The following TNFSF4 variants were observed in gnomAD, a reference collection of about 807,000 sequenced individuals.
TNFSF4 encodes the protein TNF superfamily member 4.
TNFSF4 carries 4 observed loss-of-function variants against 7.3 expected under a neutral mutation model. That is an observed-to-expected ratio of 0.55 (90% confidence interval 0.27 to 1.25). The LOEUF (loss-of-function observed/expected upper bound fraction) is 1.25, where lower values mean the gene tolerates loss of function less well. TNFSF4 is among the 50% of genes most tolerant of loss of function. TNFSF4 has a pLI of 0.12. For synonymous variants in TNFSF4, 76 were observed against 83.7 expected, an observed-to-expected ratio of 0.91 and a Z score of 0.50; for missense variants, 181 against 208.8, an observed-to-expected ratio of 0.87 and a Z score of 0.82.
intron 1 of TNFSF4, among the ~76,000 whole-genome samples, chr1:173,202,045 C>CTATATATA (rs1015553460): frequency 1.4e-5 from 2 of 140,762 alleles, no homozygotes; most frequent in African/African-American, 5.5e-5. Context: ...GAAGTAATTG[C>CTATATATA]TATATATATA....
At chr1:173,311,577 G>C in the TNFSF4 span, among the ~76,000 whole-genome samples, 2 of 152,054 alleles carry the variant, frequency 1.3e-5, no homozygotes, top group African/African-American at 4.8e-5. Context: ...GGTCTCACTG[G>C]TGGAACTGGG....
the TNFSF4 span, among the ~76,000 whole-genome samples, chr1:173,327,360 G>T: frequency 6.6e-6 from 1 of 152,084 alleles, no homozygotes; most frequent in African/African-American, 2.4e-5. Context: ...ATTCAAGATG[G>T]ATTAAAGACT....
the TNFSF4 span, among the ~76,000 whole-genome samples, chr1:173,339,179 G>A: frequency 6.6e-6 from 1 of 152,090 alleles, no homozygotes; most frequent in Non-Finnish European, 1.5e-5. Context: ...AAGAGTTTGA[G>A]ACCAGCGTGG....
chr1:173,299,675 G>A, the TNFSF4 span, among the ~76,000 whole-genome samples: 2 of 151,866 alleles, frequency 1.3e-5, no homozygotes, highest in African/African-American at 4.8e-5. Context: ...GGCTTTATAT[G>A]GCTTTATATG....
chr1:173,249,845 C>T, the TNFSF4 span, among the ~76,000 whole-genome samples: 3 of 152,150 alleles, frequency 2.0e-5, no homozygotes, highest in African/African-American at 2.4e-5. Flanking sequence ...ATCATTAACA[C>T]GAACCATAGT....
chr1:173,247,485 G>A, the TNFSF4 span, among the ~76,000 whole-genome samples: 4 of 152,218 alleles, frequency 2.6e-5, no homozygotes, highest in Admixed American at 2.6e-4. Context: ...ATTCTCAACT[G>A]AGGGCATTGA....
At chr1:173,377,531 C>T in the TNFSF4 span, among the ~76,000 whole-genome samples, 4 of 152,220 alleles carry the variant, frequency 2.6e-5, no homozygotes, top group African/African-American at 9.7e-5. Flanking sequence ...CCCATCTATC[C>T]TATCGATCCT....
chr1:173,427,211 G>A, the TNFSF4 span, among the ~76,000 whole-genome samples: 1 of 152,172 alleles, frequency 6.6e-6, no homozygotes, highest in Non-Finnish European at 1.5e-5. Flanking sequence ...AAAGGCTGTG[G>A]ACAGATAACC....
the TNFSF4 span, among the ~76,000 whole-genome samples, chr1:173,387,460 C>T: frequency 6.6e-6 from 1 of 152,142 alleles, no homozygotes; most frequent in Non-Finnish European, 1.5e-5. Context: ...AACTTCCCAA[C>T]CTCCAGAACC....
chr1:173,435,268 G>A, the TNFSF4 span, among the ~76,000 whole-genome samples: 1 of 152,146 alleles, frequency 6.6e-6, no homozygotes, highest in Non-Finnish European at 1.5e-5. Flanking sequence ...AAGAACAAAA[G>A]GAGCAAATAA....
chr1:173,282,752 G>A, the TNFSF4 span, among the ~76,000 whole-genome samples: 1 of 152,034 alleles, frequency 6.6e-6, no homozygotes, highest in Non-Finnish European at 1.5e-5. Flanking sequence ...CTACCACACT[G>A]GGCCTAAATT....
At chr1:173,320,104 T>G in the TNFSF4 span, among the ~76,000 whole-genome samples, 1 of 152,012 alleles carries the variant, frequency 6.6e-6, no homozygotes, top group African/African-American at 2.4e-5. Context: ...GCAAACTGAA[T>G]CCAGCAGTAC....
the TNFSF4 span, among the ~76,000 whole-genome samples, chr1:173,419,960 A>G: frequency 1.3e-5 from 2 of 152,142 alleles, no homozygotes; most frequent in South Asian, 4.1e-4. Context: ...CCTGTCCTCT[A>G]TCAGCATCAA....
the TNFSF4 span, among the ~76,000 whole-genome samples, chr1:173,377,380 T>C: frequency 2.0e-4 from 31 of 152,212 alleles, no homozygotes; most frequent in East Asian, 1.4e-3. Context: ...CCGAGCCAGA[T>C]TGCACTTTCC....
the TNFSF4 span, among the ~76,000 whole-genome samples, chr1:173,254,850 A>C: frequency 1.3e-5 from 2 of 152,358 alleles, no homozygotes; most frequent in African/African-American, 4.8e-5. Context: ...GGAATCATAG[A>C]AAATGGAATC....
At chr1:173,398,757 G>GA in the TNFSF4 span, among the ~76,000 whole-genome samples, 1 of 152,120 alleles carries the variant, frequency 6.6e-6, no homozygotes, top group African/African-American at 2.4e-5. Context: ...GGGTACAGTG[G>GA]TATGGGAAAC....
the TNFSF4 span, among the ~76,000 whole-genome samples, chr1:173,303,705 AATC>A: frequency 2.6e-5 from 4 of 152,078 alleles, no homozygotes; most frequent in South Asian, 4.1e-4. Flanking sequence ...CCCCAGAGAT[AATC>A]ATCATTAACA....
chr1:173,325,233 T>C, the TNFSF4 span, among the ~76,000 whole-genome samples: 2 of 152,060 alleles, frequency 1.3e-5, no homozygotes, highest in African/African-American at 4.8e-5. Context: ...CTCAACTACA[T>C]GGAAACTGAA....
At chr1:173,255,791 T>C in the TNFSF4 span, among the ~76,000 whole-genome samples, 132 of 152,236 alleles carry the variant, frequency 8.7e-4, no homozygotes, top group Admixed American at 4.4e-3. Context: ...TCTTACTTCA[T>C]CGTCACAATC....
Sources: gnomAD v4.1 joint callset for allele counts (sites outside exome capture counted in the v4.1 genomes callset) on GRCh38, gnomAD v4.1.1 for gene constraint, MANE v1.5 for transcripts, NCBI Gene and HGNC (gene_info 2026-07-23, HGNC 2026-07-21) for gene names.